BRCA1: variants seen among roughly 807,000 people sequenced by gnomAD.
BRCA1 encodes breast cancer type 1 susceptibility protein.
In BRCA1, 140 loss-of-function variants were observed where a neutral mutation model predicts 173.7. The observed-to-expected ratio is 0.81, with a 90% CI of 0.70 to 0.93. The LOEUF is 0.93. BRCA1 is among the 40% of genes least tolerant of loss of function. The probability of loss-of-function intolerance (pLI) is 0.00; values close to 1 mark genes in which losing one functional copy is unlikely to be tolerated. For missense variants in BRCA1, 1,983 were observed against 2,172.5 expected (o/e 0.91, Z 1.73); for synonymous variants, 662 against 756.0 (o/e 0.88, Z 2.04).
Position 43,091,020 on chromosome 17 carries a change from G to C in BRCA1, c.4109C>G (p.Ser1370Cys), listed in dbSNP as rs2154258345. ...SMDSNLGEAASGCESETSVSE... is the reference protein window; with the variant it reads ...SMDSNLGEAACGCESETSVSE... The stretch of plus-strand genomic sequence containing the variant: ...GACGCTTGTTTCACTCTCACACCCA[G>C]ATGCTGCTTCACCTTAAATAACAAA... The change falls in exon 11 of 23, where the codon TCT (serine) becomes TGT (cysteine). Residue 1370 changes from serine to cysteine, a missense_variant. Transcript: ENST00000357654. 6.2e-7 allele frequency: 1 copy of C among 1,612,514 alleles called. No individual in the cohort carries two copies. Among genetic ancestry groups the C allele is most frequent in the Non-Finnish European group, 8.5e-7 (1 of 1,179,436 alleles).
At chr17:43,062,858 C>T (rs1282225996) in intron 18 of BRCA1, among the ~76,000 whole-genome samples, 1 of 151,990 alleles carries the variant, frequency 6.6e-6, no homozygotes, top group Non-Finnish European at 1.5e-5. Flanking sequence ...TGGCCTCCCA[C>T]AGTGTTAGGA....
At chr17:43,078,413 C>T (rs2052840570) in intron 12 of BRCA1, among the ~76,000 whole-genome samples, 1 of 152,166 alleles carries the variant, frequency 6.6e-6, no homozygotes, top group South Asian at 2.1e-4. Flanking sequence ...CTCAAGTGAT[C>T]CTCCTGCCTT....
At chr17:43,078,560 A>G (rs1368714385) in intron 12 of BRCA1, among the ~76,000 whole-genome samples, 2 of 152,256 alleles carry the variant, frequency 1.3e-5, no homozygotes, top group Admixed American at 1.3e-4. Flanking sequence ...ACTGTAATTC[A>G]TTTTGAGCTT....
chr17:43,067,755 C>T (rs2153723723), intron 15 of BRCA1, 60 bp from the exon 16 acceptor site: 1 of 1,316,474 alleles, frequency 7.6e-7, no homozygotes, highest in Non-Finnish European at 1.1e-6. Flanking sequence ...GCTCAGAATA[C>T]TAGTTATTCC....
At chr17:43,077,416 C>T (rs1465474814) in intron 12 of BRCA1, among the ~76,000 whole-genome samples, 2 of 152,104 alleles carry the variant, frequency 1.3e-5, no homozygotes, top group East Asian at 3.9e-4. Flanking sequence ...CTGCAACCTC[C>T]ACCTCCTGGG....
rs1313068638 is a variant in BRCA1 at position 43,063,397 on chromosome 17, G to C, written c.5153-24C>G. On this transcript the variant is annotated intron_variant, in intron 17 of 22. Transcript: ENST00000357654. ...CCCTAAAGAGATCATAGAAAAGACA[G>C]GTTACATACAGCAGAAGAACGTGCT... is the stretch of plus-strand genomic sequence containing the variant. 2 of 1,598,280 alleles carry C rather than the reference G, an allele frequency of 1.3e-6. No homozygotes were observed. The highest frequency in any genetic ancestry group is 2.2e-5 in the East Asian group (1 of 44,792).
chr17:43,125,140 T>C (rs1476498293), intron 1 of BRCA1, 131 bp downstream of exon 1: 1 of 437,826 alleles, frequency 2.3e-6, no homozygotes, highest in Admixed American at 2.5e-5. Context: ...CACAACGCCT[T>C]ACGCCTCTCA....
At chr17:43,077,587 G>A (rs982349587) in intron 12 of BRCA1, among the ~76,000 whole-genome samples, 56 of 152,174 alleles carry the variant, frequency 3.7e-4, no homozygotes, top group African/African-American at 1.3e-3. Context: ...ACCCGCCTTG[G>A]CCTCCCAAAG....
intron 3 of BRCA1, among the ~76,000 whole-genome samples, chr17:43,107,457 T>C (rs1012675781): frequency 2.0e-5 from 3 of 150,080 alleles, no homozygotes; most frequent in Non-Finnish European, 4.4e-5. Flanking sequence ...CTCAGCTCAC[T>C]ACAACCTCCA....
At chr17:43,132,033 C>G (rs2055971032) in intron 1 of BRCA1, among the ~76,000 whole-genome samples, 2 of 152,190 alleles carry the variant, frequency 1.3e-5, no homozygotes, top group African/African-American at 4.8e-5. Flanking sequence ...ATCCAGCGGC[C>G]TCAGCCTCCC....
chr17:43,163,806 C>T (rs575979448), intron 1 of BRCA1: 16 of 152,358 alleles, frequency 1.1e-4, no homozygotes, highest in African/African-American at 2.9e-4. Flanking sequence ...CTCCAAGGAA[C>T]GCTAAGTTTC....
chr17:43,074,130 T>C (rs1379721315), intron 14 of BRCA1, among the ~76,000 whole-genome samples: 3 of 152,180 alleles, frequency 2.0e-5, no homozygotes, highest in East Asian at 1.9e-4. Context: ...AATTAAAATA[T>C]AGATGGATTA....
chr17:43,078,355 G>A (rs551653468), intron 12 of BRCA1, among the ~76,000 whole-genome samples: 1 of 152,278 alleles, frequency 6.6e-6, no homozygotes, highest in South Asian at 2.1e-4. Context: ...AAAGTGCTGG[G>A]ATTATAGGCA....
chr17:43,076,068 A>G (rs1033687862), intron 13 of BRCA1, among the ~76,000 whole-genome samples: 2 of 151,964 alleles, frequency 1.3e-5, no homozygotes, highest in African/African-American at 4.8e-5. Context: ...AATCTAGGTG[A>G]CACAGGGCGA....
chr17:43,112,523 A>G (rs920985565), intron 3 of BRCA1: 1 of 152,174 alleles, frequency 6.6e-6, no homozygotes, highest in African/African-American at 2.4e-5. Flanking sequence ...GAGATGAGAG[A>G]TTGCTTGAAC....
At chr17:43,112,153 G>A (rs2055064681) in intron 3 of BRCA1, among the ~76,000 whole-genome samples, 1 of 151,582 alleles carries the variant, frequency 6.6e-6, no homozygotes, top group Non-Finnish European at 1.5e-5. Flanking sequence ...ACAGTGGCAC[G>A]ATCTCAACTC....
At chr17:43,081,964 TC>T (rs1245815102) in intron 12 of BRCA1, among the ~76,000 whole-genome samples, 1 of 152,222 alleles carries the variant, frequency 6.6e-6, no homozygotes, top group Non-Finnish European at 1.5e-5. Context: ...AAAGTGCAGT[TC>T]CTGAAGTATA....
At chr17:43,088,921 G>T (rs1191120370) in intron 11 of BRCA1, among the ~76,000 whole-genome samples, 1 of 152,186 alleles carries the variant, frequency 6.6e-6, no homozygotes, top group African/African-American at 2.4e-5. Context: ...ATTAGAAGTT[G>T]TCAATTTAGT....
At chr17:43,099,435 TA>T (rs760899150) in intron 7 of BRCA1, among the ~76,000 whole-genome samples, 18 of 151,878 alleles carry the variant, frequency 1.2e-4, no homozygotes, top group Non-Finnish European at 2.1e-4. Flanking sequence ...CACACCTGGC[TA>T]ATTTTTTATT....
Sources: allele counts gnomAD v4.1 joint callset (sites outside exome capture counted in the v4.1 genomes callset), GRCh38; gene constraint gnomAD v4.1.1; transcripts MANE v1.5; gene names NCBI Gene and HGNC (gene_info 2026-07-23, HGNC 2026-07-21).